TYW1: variants seen among roughly 807,000 people sequenced by gnomAD.
The protein encoded by TYW1 is tRNA-yW synthesizing protein 1 homolog.
Under a neutral mutation model 96.2 loss-of-function variants are expected in TYW1, and 46 were observed. That is an observed-to-expected ratio of 0.48 (90% CI 0.38 to 0.61). The LOEUF (loss-of-function observed/expected upper bound fraction) is 0.61. Ranked by LOEUF, TYW1 falls within the 20% of genes least tolerant of loss-of-function variation. TYW1 has a pLI of 0.00. For missense variants in TYW1, 684 were observed against 909.6 expected (o/e 0.75, Z 3.19); for synonymous variants, 274 against 323.0 (o/e 0.85, Z 1.63).
chr7:67,170,921 A>T (rs909644746), intron 13 of TYW1, among the ~76,000 whole-genome samples: 3 of 152,180 alleles, frequency 2.0e-5, no homozygotes, highest in Admixed American at 2.0e-4. Context: ...TGTTATGAAG[A>T]TAATGCTGGC....
intron 13 of TYW1, among the ~76,000 whole-genome samples, chr7:67,137,713 G>A (rs1395502437): frequency 1.3e-5 from 2 of 150,146 alleles, no homozygotes; most frequent in Non-Finnish European, 3.0e-5. Context: ...GGTGTGTATG[G>A]AGGTGTGGAT....
intron 13 of TYW1, among the ~76,000 whole-genome samples, chr7:67,123,407 A>G (rs1423761342): frequency 6.6e-6 from 1 of 152,244 alleles, no homozygotes; most frequent in Non-Finnish European, 1.5e-5. Flanking sequence ...TATGTTGTCT[A>G]AAGCCAGTGT....
At chr7:67,151,538 T>C (rs540321162) in intron 13 of TYW1, among the ~76,000 whole-genome samples, 44 of 152,298 alleles carry the variant, frequency 2.9e-4, no homozygotes, top group Non-Finnish European at 5.3e-4. Flanking sequence ...AGAATTCTTA[T>C]ATATTTTCAT....
At chr7:67,224,804 A>G (rs1161506694) in intron 15 of TYW1, among the ~76,000 whole-genome samples, 2 of 152,202 alleles carry the variant, frequency 1.3e-5, no homozygotes, top group Admixed American at 1.3e-4. Context: ...TGAGCACTAT[A>G]CATGCCATAA....
At chr7:67,171,450 C>T (rs1276374272) in intron 13 of TYW1, among the ~76,000 whole-genome samples, 1 of 151,906 alleles carries the variant, frequency 6.6e-6, no homozygotes, top group East Asian at 1.9e-4. Context: ...TTTGCTAGGT[C>T]TTGGAGGAGA....
At chr7:67,218,944 A>G (rs1420534954) in intron 15 of TYW1, among the ~76,000 whole-genome samples, 1 of 152,186 alleles carries the variant, frequency 6.6e-6, no homozygotes. Context: ...ATTATTTTGA[A>G]CGAAAGTAGT....
intron 15 of TYW1, among the ~76,000 whole-genome samples, chr7:67,236,737 GA>G (rs1801901839): frequency 1.3e-5 from 2 of 152,086 alleles, no homozygotes; most frequent in African/African-American, 4.8e-5. Context: ...TTTCCCCCTA[GA>G]AAGCTCTTAG....
intron 7 of TYW1, among the ~76,000 whole-genome samples, chr7:67,025,509 A>G (rs1794421345): frequency 2.6e-5 from 4 of 152,296 alleles, no homozygotes; most frequent in East Asian, 3.9e-4. Context: ...GATGAACAGC[A>G]TGATAGGATT....
chr7:67,126,997 A>G (rs1374618841), intron 13 of TYW1, among the ~76,000 whole-genome samples: 1 of 149,070 alleles, frequency 6.7e-6, no homozygotes, highest in East Asian at 2.0e-4. Flanking sequence ...ATATGATTCC[A>G]TTTTCTCTCT....
chr7:67,222,225 TAG>T (rs1801416371), intron 15 of TYW1, among the ~76,000 whole-genome samples: 2 of 152,010 alleles, frequency 1.3e-5, no homozygotes, highest in South Asian at 2.1e-4. Flanking sequence ...GAAAAAAATA[TAG>T]AGTTACAAAA....
intron 15 of TYW1, among the ~76,000 whole-genome samples, chr7:67,208,366 A>G (rs139717450): frequency 0.01 from 1,553 of 151,990 alleles, 28 homozygotes; most frequent in African/African-American, 0.035. Flanking sequence ...ATGATACCAC[A>G]TAATCCAAAA....
At chr7:67,149,097 T>C (rs1489769388) in intron 13 of TYW1, among the ~76,000 whole-genome samples, 3 of 152,242 alleles carry the variant, frequency 2.0e-5, no homozygotes, top group African/African-American at 7.2e-5. Flanking sequence ...AATGGAATCA[T>C]TCACGGCCAT....
At chr7:67,136,956 G>A (rs919940781) in intron 13 of TYW1, among the ~76,000 whole-genome samples, 1 of 151,662 alleles carries the variant, frequency 6.6e-6, no homozygotes, top group Non-Finnish European at 1.5e-5. Flanking sequence ...CTGAGTAGCT[G>A]GGATTACAGG....
intron 13 of TYW1, among the ~76,000 whole-genome samples, chr7:67,140,380 A>T (rs1273483678): frequency 2.6e-5 from 4 of 152,160 alleles, no homozygotes; most frequent in Non-Finnish European, 5.9e-5. Flanking sequence ...TTCTGAAAAA[A>T]AAAAAGACTT....
chr7:67,053,843 A>T (rs995635583), intron 8 of TYW1, among the ~76,000 whole-genome samples: 2 of 152,036 alleles, frequency 1.3e-5, no homozygotes, highest in Admixed American at 1.3e-4. Context: ...TCCCCTGTAG[A>T]CTCTTGGAGT....
At chr7:67,203,082 A>C (rs1353764327) in intron 15 of TYW1, among the ~76,000 whole-genome samples, 2 of 152,226 alleles carry the variant, frequency 1.3e-5, no homozygotes, top group African/African-American at 2.4e-5. Context: ...CCCAGATAGA[A>C]AACTGTTCTA....
chr7:67,066,190 T>C (rs1387275108), intron 9 of TYW1, among the ~76,000 whole-genome samples: 10 of 152,198 alleles, frequency 6.6e-5, no homozygotes, highest in Admixed American at 6.6e-4. Context: ...CAGTGGGGAA[T>C]GACATTGATT....
intron 12 of TYW1, among the ~76,000 whole-genome samples, chr7:67,101,270 C>T (rs1314315774): frequency 1.3e-5 from 2 of 151,984 alleles, no homozygotes; most frequent in Admixed American, 1.3e-4. Context: ...CCCTCTGTGC[C>T]CCAGGAGTCT....
intron 13 of TYW1, among the ~76,000 whole-genome samples, chr7:67,126,691 G>A (rs923462543): frequency 6.6e-6 from 1 of 151,938 alleles, no homozygotes; most frequent in African/African-American, 2.4e-5. Flanking sequence ...TGGATTTCTA[G>A]TTCCAGCACT....
Sources: gnomAD v4.1 joint callset for allele counts (sites outside exome capture counted in the v4.1 genomes callset) on GRCh38, gnomAD v4.1.1 for gene constraint, MANE v1.5 for transcripts, NCBI Gene and HGNC (gene_info 2026-07-23, HGNC 2026-07-21) for gene names.